Variants in NCOR1 observed in about 807,000 individuals in gnomAD.
NCOR1 encodes nuclear receptor corepressor 1, also known as protein phosphatase 1, regulatory subunit 109.
NCOR1 carries 63 observed loss-of-function variants against 288.1 expected under a neutral mutation model. That is an observed-to-expected ratio of 0.22 (90% CI 0.18 to 0.27). The LOEUF is 0.27. NCOR1 is among the 10% of genes least tolerant of loss of function. The pLI, the probability that NCOR1 is intolerant of heterozygous loss-of-function variation, is 1.00. For synonymous variants in NCOR1, 1,007 were observed against 1,065.9 expected (o/e 0.94, Z 1.08); for missense variants, 2,397 against 3,019.2 (o/e 0.79, Z 4.83).
At chr17:16,097,593 G>C (rs1598565161) in intron 21 of NCOR1, among the ~76,000 whole-genome samples, 1 of 152,294 alleles carries the variant, frequency 6.6e-6, no homozygotes, top group African/African-American at 2.4e-5. Context: ...GAGGGAGGCA[G>C]ACCTAGATAG....
chr17:16,111,956 G>A (rs866402459), intron 18 of NCOR1, among the ~76,000 whole-genome samples: 16 of 152,168 alleles, frequency 1.1e-4, no homozygotes, highest in African/African-American at 2.4e-4. Flanking sequence ...TGCAAGCTCC[G>A]GCTCCCGGGT....
At chr17:16,052,313 G>A (rs1192789155) in intron 40 of NCOR1, among the ~76,000 whole-genome samples, 1 of 151,880 alleles carries the variant, frequency 6.6e-6, no homozygotes, top group Non-Finnish European at 1.5e-5. Flanking sequence ...CATGAGCCAC[G>A]GCACCCGGCC....
Position 16,070,120 on chromosome 17 carries a change from T to TA in NCOR1, c.4513+44dup, listed in dbSNP as rs371998619. On this transcript the variant is annotated intron_variant, in intron 31 of 45. Coordinates refer to ENST00000268712, the MANE Select transcript of NCOR1 (RefSeq NM_006311.4). Reference sequence around the variant, plus strand: ...TGACAAAGGTTTTTTTTTTTTTTTTTAAATGCAATAAAAAGTATCAGACCA... The same window carrying TA: ...TGACAAAGGTTTTTTTTTTTTTTTTTAAAATGCAATAAAAAGTATCAGACCA... The TA allele has an allele frequency of 6.7e-6, 10 of 1,484,768 alleles. No homozygotes were observed. The Admixed American group carries it at 7.1e-5, about 11-fold the overall frequency. 92.0% of individuals were successfully genotyped at this position (1,484,768 alleles called of 1,614,324 possible). A position where few individuals can be genotyped will look rare whatever the true frequency, so the allele number is the denominator to read the frequency against.
chr17:16,094,937 T>G (rs2066108473), intron 21 of NCOR1, among the ~76,000 whole-genome samples: 1 of 152,170 alleles, frequency 6.6e-6, no homozygotes, highest in African/African-American at 2.4e-5. Flanking sequence ...CCCAGCCGCC[T>G]GCCTTGGCCC....
chr17:16,084,012 T>A (rs916898945), intron 23 of NCOR1: 3 of 151,626 alleles, frequency 2.0e-5, no homozygotes, highest in African/African-American at 7.3e-5. Flanking sequence ...TGTTTCTGCC[T>A]CTGCTGCTGC....
intron 20 of NCOR1, among the ~76,000 whole-genome samples, chr17:16,100,783 T>C (rs2067479173): frequency 6.6e-6 from 1 of 152,256 alleles, no homozygotes; most frequent in Admixed American, 6.5e-5. Flanking sequence ...TTCTAAAAAT[T>C]TTCAGAACAC....
intron 22 of NCOR1, among the ~76,000 whole-genome samples, 197 bp from the exon 23 acceptor site, chr17:16,086,639 T>C (rs1334378576): frequency 6.6e-6 from 1 of 152,022 alleles, no homozygotes; most frequent in Non-Finnish European, 1.5e-5. Context: ...ATTTGTGGGG[T>C]TGAAATATTC....
intron 10 of NCOR1, among the ~76,000 whole-genome samples, chr17:16,144,696 C>T (rs1413685274): frequency 1.3e-5 from 2 of 152,128 alleles, no homozygotes; most frequent in African/African-American, 2.4e-5. Flanking sequence ...TGATCAGTTT[C>T]AAGAAACAAT....
chr17:16,119,277 A>G, intron 17 of NCOR1, 146 bp downstream of exon 17: 1 of 515,060 alleles, frequency 1.9e-6, no homozygotes, highest in South Asian at 3.6e-5. Flanking sequence ...CTACCAGAAA[A>G]GAACTCTTAA....
chr17:16,098,857 T>C (rs2067113091), intron 20 of NCOR1: 1 of 160,992 alleles, frequency 6.2e-6, no homozygotes, highest in African/African-American at 2.4e-5. Context: ...GAAATTTATC[T>C]GTATTGTCTA....
intron 6 of NCOR1, among the ~76,000 whole-genome samples, chr17:16,158,060 A>G (rs1208009708): frequency 6.6e-6 from 1 of 151,132 alleles, no homozygotes; most frequent in Non-Finnish European, 1.5e-5. Context: ...TACAACCTCT[A>G]CCTCCCAGGT....
intron 14 of NCOR1, among the ~76,000 whole-genome samples, chr17:16,132,950 C>A (rs534967379): frequency 9.1e-4 from 137 of 151,040 alleles, no homozygotes; most frequent in Non-Finnish European, 1.5e-3. Context: ...TCCCTCCCTT[C>A]CTTCCTTTTC....
At chr17:16,125,302 GC>G (rs2073816280) in intron 15 of NCOR1, among the ~76,000 whole-genome samples, 1 of 152,180 alleles carries the variant, frequency 6.6e-6, no homozygotes, top group Non-Finnish European at 1.5e-5. Context: ...GGCAGAGGTT[GC>G]AGTGAGCCAA....
chr17:16,057,429 G>A (rs1195812168), intron 40 of NCOR1, 85 bp downstream of exon 40: 4 of 1,365,678 alleles, frequency 2.9e-6, no homozygotes, highest in Non-Finnish European at 4.1e-6. Flanking sequence ...CTTTAGTTGT[G>A]AGAAACAAAT....
rs200440274 is a variant in NCOR1, at chr17:16,064,885, C to G, written c.5086G>C (p.Ala1696Pro). The G allele has an allele frequency of 1.1e-4, 181 of 1,610,556 alleles. No individual in the cohort carries two copies. The Middle Eastern group carries it at 2.1e-3, about 19-fold the overall frequency. Residue 1696 changes from alanine to proline, a missense_variant, in exon 34 of 46, where the codon GCT (alanine) becomes CCT (proline). By Grantham distance (27) the Ala-to-Pro change is conservative (BLOSUM62 -1). Transcript: ENST00000268712. ...ITFPPRPYNS[A>P]SMSPGHPTHL... ...ACAATCTCACCTGGAGACATGGAAG[C>G]AGAGTTGTACGGCCTGGGAGGGAAA...
chr17:16,111,895 A>C (rs2070300985), intron 18 of NCOR1, among the ~76,000 whole-genome samples: 1 of 152,074 alleles, frequency 6.6e-6, no homozygotes, highest in South Asian at 2.1e-4. Flanking sequence ...TTTCAGACGG[A>C]GTCTTGCACT....
Position 16,137,341 on chromosome 17 carries a change from C to T in NCOR1, c.1479G>A (p.Arg493=). Residue 493 remains arginine (R), a synonymous_variant, in exon 14 of 46, where the codon AGG becomes AGA. Transcript: ENST00000268712. ...KNENYKALVR[R]NYGKRRGRNQ... ...TTCTGCCTCTGCGTTTCCCATAATT[C>T]CTTCTGACGAGGGCTTTATAATTCT... The T allele has an allele frequency of 6.2e-7, 1 of 1,604,498 alleles. No individual in the cohort carries two copies. Among genetic ancestry groups the T allele is most frequent in the Non-Finnish European group, 8.5e-7 (1 of 1,174,660 alleles).
intron 15 of NCOR1, among the ~76,000 whole-genome samples, chr17:16,122,380 C>G (rs964865895): frequency 6.6e-6 from 1 of 152,166 alleles, no homozygotes; most frequent in African/African-American, 2.4e-5. Context: ...CCTTTACTTA[C>G]TTATTCCCTT....
intron 16 of NCOR1, among the ~76,000 whole-genome samples, chr17:16,120,400 T>A (rs977309575): frequency 2.0e-5 from 3 of 152,110 alleles, no homozygotes; most frequent in African/African-American, 4.8e-5. Context: ...TGCCCCAACC[T>A]ATCTTTCCTC....
Sources: allele counts gnomAD v4.1 joint callset (sites outside exome capture counted in the v4.1 genomes callset), GRCh38; gene constraint gnomAD v4.1.1; transcripts MANE v1.5; gene names NCBI Gene and HGNC (gene_info 2026-07-23, HGNC 2026-07-21).